The following EDIL3 variants were observed in gnomAD, a reference collection of about 807,000 sequenced individuals.
EDIL3 encodes EGF like and discoidin domains 3.
In EDIL3, 37 loss-of-function variants were observed where a neutral mutation model predicts 67.4. That is an observed-to-expected ratio of 0.55 (90% CI 0.42 to 0.72). The LOEUF (loss-of-function observed/expected upper bound fraction) is 0.72. Ranked by LOEUF, EDIL3 falls within the 30% of genes least tolerant of loss-of-function variation. EDIL3 has a pLI of 0.00. For missense variants in EDIL3, 527 were observed against 586.3 expected, an observed-to-expected ratio of 0.90 and a Z score of 1.04; for synonymous variants, 195 against 196.3, an observed-to-expected ratio of 0.99 and a Z score of 0.05.
chr5:84,097,378 C>T (rs574338465), intron 6 of EDIL3, among the ~76,000 whole-genome samples: 74 of 152,148 alleles, frequency 4.9e-4, no homozygotes, highest in Admixed American at 1.8e-3. Context: ...CAGCACACAA[C>T]GGTAATACAT....
At chr5:84,116,852 CA>C (rs1393461157) in intron 5 of EDIL3, among the ~76,000 whole-genome samples, 1 of 152,044 alleles carries the variant, frequency 6.6e-6, no homozygotes, top group Non-Finnish European at 1.5e-5. Flanking sequence ...GCCAGCTTTT[CA>C]TACATTATCT....
intron 5 of EDIL3, among the ~76,000 whole-genome samples, chr5:84,127,102 C>T (rs1163857079): frequency 1.3e-5 from 2 of 151,930 alleles, no homozygotes; most frequent in African/African-American, 4.8e-5. Context: ...CTAAGAGCTG[C>T]GGTTTCAATT....
intron 1 of EDIL3, among the ~76,000 whole-genome samples, chr5:84,260,346 T>C (rs565191569): frequency 1.8e-4 from 28 of 152,166 alleles, no homozygotes; most frequent in Non-Finnish European, 4.0e-4. Context: ...CAGGAAGTGG[T>C]CAGCCCTCAT....
chr5:84,218,545 A>C (rs1744277910), intron 3 of EDIL3, among the ~76,000 whole-genome samples: 1 of 152,246 alleles, frequency 6.6e-6, no homozygotes, highest in Admixed American at 6.5e-5. Flanking sequence ...AAACATCATA[A>C]GAACCAAAAA....
At chr5:84,122,027 AACAG>A (rs1747784914) in intron 5 of EDIL3, among the ~76,000 whole-genome samples, 1 of 151,950 alleles carries the variant, frequency 6.6e-6, no homozygotes, top group African/African-American at 2.4e-5. Context: ...AGGCAAACAT[AACAG>A]ACAGTATCTC....
chr5:84,027,899 T>G (rs1357820066), intron 9 of EDIL3, among the ~76,000 whole-genome samples: 1 of 152,206 alleles, frequency 6.6e-6, no homozygotes, highest in South Asian at 2.1e-4. Context: ...TTCCATGCTG[T>G]ATGTTGTCTC....
chr5:84,071,382 A>G (rs983742949), intron 6 of EDIL3, among the ~76,000 whole-genome samples: 3 of 152,200 alleles, frequency 2.0e-5, no homozygotes, highest in African/African-American at 4.8e-5. Flanking sequence ...AAAAAACAGA[A>G]CTAATACTAG....
chr5:84,143,693 G>A (rs1454290898), intron 4 of EDIL3, among the ~76,000 whole-genome samples: 2 of 152,000 alleles, frequency 1.3e-5, no homozygotes, highest in African/African-American at 4.8e-5. Flanking sequence ...GGGAGGTAGA[G>A]GAGGGGTTAT....
chr5:84,039,042 T>C (rs1746073274), intron 9 of EDIL3, among the ~76,000 whole-genome samples: 1 of 152,168 alleles, frequency 6.6e-6, no homozygotes, highest in African/African-American at 2.4e-5. Context: ...GGTAAAATGC[T>C]ATTCCCAATT....
chr5:84,384,688 C>T lies in EDIL3; in HGVS notation c.-314G>A. The T allele has an allele frequency of 5.7e-6, 1 of 176,288 alleles. No individual in the cohort carries two copies. Among genetic ancestry groups the T allele is most frequent in the Non-Finnish European group, 1.2e-5 (1 of 84,324 alleles). 10.9% of individuals were successfully genotyped at this position (176,288 alleles called of 1,614,324 possible). A position where few individuals can be genotyped will look rare whatever the true frequency, so the allele number is the denominator to read the frequency against. ...GGCGCGGCGGGCGGGGCGCGGGCTC[C>T]CGCGGCCGCCCCGGGTCTGCTGCGC... On this transcript the variant is annotated 5_prime_UTR_variant, in exon 1 of 11. Coordinates refer to ENST00000296591, the MANE Select transcript of EDIL3 (RefSeq NM_005711.5).
At chr5:84,069,970 C>G (rs993814962) in intron 6 of EDIL3, among the ~76,000 whole-genome samples, 24 of 152,010 alleles carry the variant, frequency 1.6e-4, no homozygotes, top group African/African-American at 5.3e-4. Flanking sequence ...AAGAGCACCA[C>G]CGACAGGCAC....
intron 5 of EDIL3, among the ~76,000 whole-genome samples, chr5:84,120,245 G>T (rs541987026): frequency 6.6e-6 from 1 of 151,900 alleles, no homozygotes; most frequent in African/African-American, 2.4e-5. Context: ...TCTATATATA[G>T]GAGTGTGGCT....
chr5:83,951,551 C>T (rs1561383240), intron 10 of EDIL3, among the ~76,000 whole-genome samples: 1 of 151,478 alleles, frequency 6.6e-6, no homozygotes, highest in Non-Finnish European at 1.5e-5. Context: ...TTGGCCAAAA[C>T]ATAGGCAAAG....
intron 3 of EDIL3, among the ~76,000 whole-genome samples, chr5:84,207,857 A>C (rs1357907942): frequency 2.0e-5 from 3 of 151,924 alleles, no homozygotes; most frequent in African/African-American, 7.2e-5. Context: ...TAGAAAGCTG[A>C]AACTGGATCC....
intron 1 of EDIL3, among the ~76,000 whole-genome samples, chr5:84,350,834 A>G (rs1747340617): frequency 6.6e-6 from 1 of 152,148 alleles, no homozygotes; most frequent in African/African-American, 2.4e-5. Flanking sequence ...GAAGAGTGAC[A>G]TGTAAAGTTA....
intron 1 of EDIL3, among the ~76,000 whole-genome samples, chr5:84,303,850 T>TTTGTG (rs1554041094): frequency 5.0e-5 from 5 of 99,176 alleles, no homozygotes; most frequent in Non-Finnish European, 8.4e-5. Context: ...GTGTGTGTGT[T>TTTGTG]TGTGTGTGTG....
Position 84,256,040 on chromosome 5 carries a change from G to A in EDIL3, c.68-1828C>T, listed in dbSNP as rs188866003. 5.5e-4 allele frequency among the ~76,000 whole-genome samples: 84 copies of A among 152,148 alleles called. 1 individual carries two copies. The highest frequency in any genetic ancestry group is 3.4e-3 in the Middle Eastern group (1 of 294). Reference sequence around the variant, plus strand: ...GATCTAAATTAAGAAGACAATCCTGGCAGCATTTTGAATGGGGTGATTGAT... The same window carrying A: ...GATCTAAATTAAGAAGACAATCCTGACAGCATTTTGAATGGGGTGATTGAT... On this transcript the variant is annotated intron_variant, in intron 1 of 10. Coordinates refer to ENST00000296591, the MANE Select transcript of EDIL3 (RefSeq NM_005711.5).
At chr5:84,384,210 T>TGGCACGCCGGAGG in intron 1 of EDIL3, 98 bp downstream of exon 1, 4 of 1,453,024 alleles carry the variant, frequency 2.8e-6, no homozygotes, top group Non-Finnish European at 3.7e-6. Flanking sequence ...TCGCCACCCT[T>TGGCACGCCGGAGG]GGCACGCCGG....
intron 3 of EDIL3, among the ~76,000 whole-genome samples, chr5:84,218,813 GGA>G (rs1482950707): frequency 6.6e-6 from 1 of 152,136 alleles, no homozygotes; most frequent in African/African-American, 2.4e-5. Context: ...GTGGCCATGG[GGA>G]GAGAGTCCAC....
Sources: allele counts gnomAD v4.1 joint callset (sites outside exome capture counted in the v4.1 genomes callset), GRCh38; gene constraint gnomAD v4.1.1; transcripts MANE v1.5; gene names NCBI Gene and HGNC (gene_info 2026-07-23, HGNC 2026-07-21).